Variants in PDCL2 observed in about 807,000 individuals in gnomAD.
The protein encoded by PDCL2 is phosducin like 2.
In PDCL2, 23 loss-of-function variants were observed where a neutral mutation model predicts 30.3. That is an observed-to-expected ratio of 0.76 (90% CI 0.55 to 1.08). The LOEUF is 1.08. PDCL2 is among the 50% of genes least tolerant of loss of function. PDCL2 has a pLI of 0.00. For missense variants in PDCL2, 243 were observed against 282.3 expected (o/e 0.86, Z 1.00); for synonymous variants, 68 against 86.2 (o/e 0.79, Z 1.17).
At chr4:55,568,888 C>T (rs908028084) in intron 4 of PDCL2, among the ~76,000 whole-genome samples, 1 of 152,140 alleles carries the variant, frequency 6.6e-6, no homozygotes, top group Non-Finnish European at 1.5e-5. Context: ...ATTAAACACT[C>T]TAAATATCGA....
chr4:55,575,098 A>T (rs1005232598), intron 3 of PDCL2, among the ~76,000 whole-genome samples: 15 of 152,166 alleles, frequency 9.9e-5, no homozygotes, highest in Non-Finnish European at 8.8e-5. Context: ...TAGTCTCCCA[A>T]TGTGGGGTCT....
intron 4 of PDCL2, among the ~76,000 whole-genome samples, chr4:55,565,378 A>T (rs1732233250): frequency 6.6e-6 from 1 of 152,148 alleles, no homozygotes. Flanking sequence ...ACTGACTCAC[A>T]GTTCAGTATG....
intron 1 of PDCL2, among the ~76,000 whole-genome samples, chr4:55,587,798 C>T: frequency 6.6e-6 from 1 of 152,136 alleles, no homozygotes; most frequent in East Asian, 1.9e-4. Context: ...TCAAATGATC[C>T]ACCTGCCTCA....
intron 3 of PDCL2, among the ~76,000 whole-genome samples, chr4:55,578,030 C>G (rs1017312636): frequency 6.6e-6 from 1 of 152,142 alleles, no homozygotes; most frequent in African/African-American, 2.4e-5. Flanking sequence ...TGCTGGCGAT[C>G]ATTCTGAGGT....
At chr4:55,560,193 G>C (rs868540960) in intron 5 of PDCL2, among the ~76,000 whole-genome samples, 1 of 145,714 alleles carries the variant, frequency 6.9e-6, no homozygotes, top group Non-Finnish European at 1.5e-5. Context: ...AAAAAAAGGG[G>C]GGGGGGACGA....
chr4:55,580,529 GC>G (rs1732681752), intron 3 of PDCL2, among the ~76,000 whole-genome samples: 1 of 152,014 alleles, frequency 6.6e-6, no homozygotes, highest in Admixed American at 6.6e-5. Flanking sequence ...GAAAATCATG[GC>G]CATCTTTTTA....
intron 3 of PDCL2, among the ~76,000 whole-genome samples, chr4:55,570,720 C>A (rs531505229): frequency 2.1e-4 from 32 of 152,296 alleles, no homozygotes; most frequent in African/African-American, 7.5e-4. Flanking sequence ...AAAAAACCAA[C>A]TCTCTCAACA....
At chr4:55,558,608 C>T (rs893424088) in intron 5 of PDCL2, among the ~76,000 whole-genome samples, 2 of 152,238 alleles carry the variant, frequency 1.3e-5, no homozygotes, top group East Asian at 1.9e-4. Context: ...TCAAATGATA[C>T]ACAAAAGCCC....
chr4:55,569,840 C>T lies in PDCL2; in HGVS notation c.240G>A (p.Trp80Ter). Residue 80 changes from tryptophan (W) to a stop codon, truncating the protein, a stop_gained, in exon 4 of 6, where the codon TGG (tryptophan) becomes TGA (stop). Coordinates refer to ENST00000295645, the MANE Select transcript of PDCL2 (RefSeq NM_152401.3). LOFTEE classifies it high-confidence loss of function. ...ATTTTTGTTTTTTCTTAAGAGCTTTCCATTCCTGTAACCGCTTCTTTCTAA... is the reference window on the plus strand; with the variant it reads ...ATTTTTGTTTTTTCTTAAGAGCTTTTCATTCCTGTAACCGCTTCTTTCTAA... ...ETYRKKRLQEWKALKKKQKFG... is the reference protein window; with the variant it reads ...ETYRKKRLQE 6.5e-7 allele frequency: 1 copy of T among 1,537,684 alleles called. No homozygotes were observed. Among genetic ancestry groups the T allele is most frequent in the South Asian group, 1.2e-5 (1 of 83,530 alleles).
At chr4:55,558,397 CT>C (rs1452994444) in intron 5 of PDCL2, among the ~76,000 whole-genome samples, 6 of 152,138 alleles carry the variant, frequency 3.9e-5, no homozygotes, top group Non-Finnish European at 7.3e-5. Context: ...CCCCACTTCA[CT>C]TAGCTCTCAT....
chr4:55,587,754 C>T (rs1383205870), intron 1 of PDCL2, among the ~76,000 whole-genome samples: 1 of 151,962 alleles, frequency 6.6e-6, no homozygotes, highest in Non-Finnish European at 1.5e-5. Context: ...TTGGGTTTCA[C>T]CATGTTGGCC....
At chr4:55,572,778 T>C (rs1156496185) in intron 3 of PDCL2, among the ~76,000 whole-genome samples, 2 of 152,174 alleles carry the variant, frequency 1.3e-5, no homozygotes, top group East Asian at 3.9e-4. Flanking sequence ...TTTTTTTCTT[T>C]GGGATGGAGT....
intron 5 of PDCL2, among the ~76,000 whole-genome samples, chr4:55,562,085 A>G (rs1312674025): frequency 6.6e-6 from 1 of 152,164 alleles, no homozygotes; most frequent in Admixed American, 6.5e-5. Flanking sequence ...AGTAATGTCT[A>G]TTTGTGGGTT....
At chr4:55,582,985 T>C (rs1429246652) in intron 1 of PDCL2, among the ~76,000 whole-genome samples, 1 of 152,104 alleles carries the variant, frequency 6.6e-6, no homozygotes, top group African/African-American at 2.4e-5. Context: ...TATTTTATTT[T>C]TTTTGAGACA....
intron 2 of PDCL2, among the ~76,000 whole-genome samples, chr4:55,581,220 G>A (rs376479270): frequency 7.9e-5 from 12 of 152,058 alleles, no homozygotes; most frequent in South Asian, 4.2e-4. Flanking sequence ...ACTTGAACCC[G>A]AATGGCTGAG....
chr4:55,558,343 G>A (rs908212086), intron 5 of PDCL2, among the ~76,000 whole-genome samples: 1 of 152,190 alleles, frequency 6.6e-6, no homozygotes, highest in Middle Eastern at 3.4e-3. Context: ...TCTTGATACT[G>A]AGTGAGTTCT....
intron 1 of PDCL2, among the ~76,000 whole-genome samples, chr4:55,589,735 G>A: frequency 6.6e-6 from 1 of 152,160 alleles, no homozygotes; most frequent in Non-Finnish European, 1.5e-5. Context: ...GAGTTTATGA[G>A]TATGTATACC....
chr4:55,587,214 A>G (rs1421627863), intron 1 of PDCL2, among the ~76,000 whole-genome samples: 2 of 95,748 alleles, frequency 2.1e-5, no homozygotes, highest in Non-Finnish European at 4.4e-5. Flanking sequence ...AAGACAGAAT[A>G]GTAAAAAAAA....
intron 5 of PDCL2, among the ~76,000 whole-genome samples, chr4:55,561,453 C>T (rs1174077551): frequency 6.6e-6 from 1 of 152,016 alleles, no homozygotes; most frequent in Admixed American, 6.6e-5. Context: ...ATCCCAGCTA[C>T]TCGGGAGGCT....
Sources: gnomAD v4.1 joint callset for allele counts (sites outside exome capture counted in the v4.1 genomes callset) on GRCh38, gnomAD v4.1.1 for gene constraint, MANE v1.5 for transcripts, NCBI Gene and HGNC (gene_info 2026-07-23, HGNC 2026-07-21) for gene names.